GRIK2: variants seen among roughly 807,000 people sequenced by gnomAD.
The protein encoded by GRIK2 is glutamate ionotropic receptor kainate type subunit 2, also known as glutamate receptor ionotropic, kainate 2.
In GRIK2, 32 loss-of-function variants were observed where a neutral mutation model predicts 100.3. The ratio of observed to expected loss-of-function variants is 0.32; its 90% confidence interval spans 0.24 to 0.43. GRIK2 has a LOEUF of 0.43. Ranked by LOEUF, GRIK2 falls within the 20% of genes least tolerant of loss-of-function variation. The pLI, the probability that GRIK2 is intolerant of heterozygous loss-of-function variation, is 1.00. For synonymous variants in GRIK2, 417 were observed against 389.4 expected (o/e 1.07, Z -0.83); for missense variants, 843 against 1,114.9 (o/e 0.76, Z 3.47).
intron 2 of GRIK2, among the ~76,000 whole-genome samples, chr6:101,591,673 T>A (rs1778647785): frequency 6.6e-6 from 1 of 152,036 alleles, no homozygotes; most frequent in African/African-American, 2.4e-5. Flanking sequence ...AGAAATGTAC[T>A]GTTAACATAT....
chr6:101,572,404 G>A (rs1485911309), intron 2 of GRIK2, among the ~76,000 whole-genome samples: 2 of 150,848 alleles, frequency 1.3e-5, no homozygotes, highest in Admixed American at 1.3e-4. Flanking sequence ...ACTAGTTTTT[G>A]TTGTTAATGT....
At chr6:101,624,224 G>A (rs1364476681) in intron 3 of GRIK2, among the ~76,000 whole-genome samples, 1 of 151,952 alleles carries the variant, frequency 6.6e-6, no homozygotes, top group East Asian at 1.9e-4. Context: ...AACACACTTA[G>A]AAACATTCTA....
At chr6:101,594,967 G>A (rs1292896668) in intron 2 of GRIK2, among the ~76,000 whole-genome samples, 1 of 151,482 alleles carries the variant, frequency 6.6e-6, no homozygotes, top group African/African-American at 2.4e-5. Context: ...AGATAGCAAA[G>A]TCTGGAAGAT....
rs371206934 is a variant in GRIK2 at position 101,629,232 on chromosome 6, G to C, written c.541+2595G>C. On this transcript the variant is annotated intron_variant, in intron 4 of 16. Transcript: ENST00000369134. ...CTCCCTTGGCTTTGAAGGTGACATA[G>C]ACAGTTGGATATTTGAAAAGTCTGA... 5.8e-4 allele frequency among the ~76,000 whole-genome samples: 89 copies of C among 152,198 alleles called. 1 individual carries two copies. In the South Asian group the frequency reaches 0.018, roughly 30 times the overall value.
intron 14 of GRIK2, among the ~76,000 whole-genome samples, chr6:101,949,823 A>T (rs777309609): frequency 6.6e-6 from 1 of 152,244 alleles, no homozygotes; most frequent in Non-Finnish European, 1.5e-5. Context: ...ATGAGTGTAC[A>T]TGTGTCTTTA....
intron 2 of GRIK2, among the ~76,000 whole-genome samples, chr6:101,599,885 T>C (rs1779118909): frequency 6.6e-6 from 1 of 151,854 alleles, no homozygotes. Flanking sequence ...CCCTTTACTG[T>C]GCTGCAGCTC....
intron 7 of GRIK2, among the ~76,000 whole-genome samples, chr6:101,707,156 T>G (rs1354616072): frequency 6.6e-6 from 1 of 151,730 alleles, no homozygotes; most frequent in East Asian, 1.9e-4. Flanking sequence ...ACATATATCC[T>G]GATTGTGGGG....
intron 2 of GRIK2, among the ~76,000 whole-genome samples, chr6:101,405,693 C>G (rs1775557536): frequency 1.3e-5 from 2 of 152,128 alleles, no homozygotes; most frequent in African/African-American, 4.8e-5. Context: ...CCTTCTGCCC[C>G]TGAAGAAAGG....
intron 7 of GRIK2, among the ~76,000 whole-genome samples, chr6:101,739,949 C>CCTTTATAGACT (rs1205215247): frequency 2.0e-5 from 3 of 152,064 alleles, no homozygotes; most frequent in African/African-American, 7.2e-5. Context: ...CCTCAAAGAG[C>CCTTTATAGACT]CTTTATAGAC....
At chr6:101,421,551 T>G in intron 2 of GRIK2, among the ~76,000 whole-genome samples, 1 of 152,212 alleles carries the variant, frequency 6.6e-6, no homozygotes, top group Admixed American at 6.5e-5. Context: ...TTCCATTTAC[T>G]AAGACAGTTT....
intron 7 of GRIK2, among the ~76,000 whole-genome samples, chr6:101,697,870 C>T (rs1421313002): frequency 6.6e-6 from 1 of 152,060 alleles, no homozygotes; most frequent in African/African-American, 2.4e-5. Context: ...TCTGGCACCA[C>T]TTGAAGACAG....
intron 2 of GRIK2, among the ~76,000 whole-genome samples, chr6:101,463,106 T>C (rs1196035035): frequency 6.6e-6 from 1 of 152,178 alleles, no homozygotes; most frequent in Non-Finnish European, 1.5e-5. Flanking sequence ...AGTGTTTTGC[T>C]TGAAATTTGA....
At chr6:101,769,731 G>A (rs560073288) in intron 7 of GRIK2, among the ~76,000 whole-genome samples, 1 of 152,186 alleles carries the variant, frequency 6.6e-6, no homozygotes, top group African/African-American at 2.4e-5. Context: ...GTAACAGTGA[G>A]AGAGGCCCTC....
At chr6:101,500,753 G>C (rs915802156) in intron 2 of GRIK2, among the ~76,000 whole-genome samples, 2 of 151,918 alleles carry the variant, frequency 1.3e-5, no homozygotes, top group Admixed American at 6.6e-5. Context: ...TATGTTTATT[G>C]ACTTCATGTT....
chr6:101,890,772 T>A (rs1787001200), intron 12 of GRIK2, among the ~76,000 whole-genome samples: 1 of 152,006 alleles, frequency 6.6e-6, no homozygotes, highest in South Asian at 2.1e-4. Flanking sequence ...TCAATATGAT[T>A]TAATTTAACT....
intron 2 of GRIK2, among the ~76,000 whole-genome samples, chr6:101,402,126 G>A (rs925189140): frequency 6.6e-6 from 1 of 152,098 alleles, no homozygotes; most frequent in African/African-American, 2.4e-5. Flanking sequence ...GGCAGCCCCC[G>A]CTTAGAGTGC....
At chr6:101,875,356 G>T (rs940444037) in intron 11 of GRIK2, among the ~76,000 whole-genome samples, 2 of 151,718 alleles carry the variant, frequency 1.3e-5, no homozygotes, top group Non-Finnish European at 1.5e-5. Context: ...AAGTACTATC[G>T]CTAGTCATTT....
intron 2 of GRIK2, chr6:101,430,763 C>T (rs960244393): frequency 1.3e-5 from 3 of 230,356 alleles, no homozygotes; most frequent in African/African-American, 6.9e-5. Flanking sequence ...CGTAAATCAG[C>T]AACTAGCTCC....
chr6:101,556,321 ATTTTTTTTTTTTTTT>A lies in GRIK2; in HGVS notation c.116-65611_116-65597del, dbSNP rs10528480. 4.9e-4 allele frequency among the ~76,000 whole-genome samples: 29 copies of A among 59,398 alleles called. No homozygotes were observed. The East Asian group carries it at 6.6e-3, about 14-fold the overall frequency. 39.0% of individuals were successfully genotyped at this position (59,398 alleles called of 152,430 possible). A position where few individuals can be genotyped will look rare whatever the true frequency, so the allele number is the denominator to read the frequency against. On this transcript the variant is annotated intron_variant, in intron 2 of 16. Transcript: ENST00000369134. Reference sequence around the variant, plus strand: ...AATTGCACTATGTAATATATTGGTAATTTTTTTTTTTTTTTTTTTTTTTTTTTTTTTGAGACCGAG... The same window carrying A: ...AATTGCACTATGTAATATATTGGTAATTTTTTTTTTTTTTTTGAGACCGAG...
Sources: allele counts gnomAD v4.1 joint callset (sites outside exome capture counted in the v4.1 genomes callset), GRCh38; gene constraint gnomAD v4.1.1; transcripts MANE v1.5; gene names NCBI Gene and HGNC (gene_info 2026-07-23, HGNC 2026-07-21).